The following CSMD3 variants were observed in gnomAD, a reference collection of about 807,000 sequenced individuals.
The protein encoded by CSMD3 is CUB and sushi domain-containing protein 3.
Under a neutral mutation model 435.2 loss-of-function variants are expected in CSMD3, and 177 were observed. The observed-to-expected ratio is 0.41, with a 90% CI of 0.36 to 0.46. CSMD3 has a LOEUF of 0.46. Among genes scored for constraint, CSMD3 ranks in the 20% least tolerant of loss-of-function variants. The pLI, the probability that CSMD3 is intolerant of heterozygous loss-of-function variation, is 0.34. For missense variants in CSMD3, 4,265 were observed against 4,504.6 expected, an observed-to-expected ratio of 0.95 and a Z score of 1.52; for synonymous variants, 1,656 against 1,520.5, an observed-to-expected ratio of 1.09 and a Z score of -2.07.
At chr8:112,858,119 G>T (rs779737546) in intron 11 of CSMD3, among the ~76,000 whole-genome samples, 1 of 151,654 alleles carries the variant, frequency 6.6e-6, no homozygotes, top group Middle Eastern at 3.4e-3. Context: ...TTAGAATTAG[G>T]TTTCAAGAAC....
intron 21 of CSMD3, among the ~76,000 whole-genome samples, chr8:112,637,919 T>A (rs2074706962): frequency 6.6e-6 from 1 of 151,966 alleles, no homozygotes; most frequent in African/African-American, 2.4e-5. Context: ...AGTGCTTGTA[T>A]CATTTTAATG....
chr8:113,269,296 A>G (rs1438138338), intron 3 of CSMD3, among the ~76,000 whole-genome samples: 1 of 152,138 alleles, frequency 6.6e-6, no homozygotes, highest in Non-Finnish European at 1.5e-5. Context: ...ACCACTGCTC[A>G]ATGAAATAAA....
At chr8:112,646,658 C>A (rs573862309) in intron 19 of CSMD3, among the ~76,000 whole-genome samples, 46 of 152,076 alleles carry the variant, frequency 3.0e-4, no homozygotes, top group Non-Finnish European at 5.9e-4. Flanking sequence ...ACTAATATAA[C>A]AAACATTCGT....
chr8:112,715,347 T>C (rs1340363087), intron 13 of CSMD3, among the ~76,000 whole-genome samples: 2 of 152,052 alleles, frequency 1.3e-5, no homozygotes, highest in Non-Finnish European at 2.9e-5. Context: ...ATTCCTGGAC[T>C]CATGCACCCT....
At chr8:112,853,173 T>C (rs1490895238) in intron 11 of CSMD3, among the ~76,000 whole-genome samples, 1 of 152,188 alleles carries the variant, frequency 6.6e-6, no homozygotes, top group Non-Finnish European at 1.5e-5. Flanking sequence ...TATTTTCAAC[T>C]AGGCATCCTA....
At chr8:112,242,887 A>G (rs1187062560) in intron 65 of CSMD3, among the ~76,000 whole-genome samples, 1 of 152,124 alleles carries the variant, frequency 6.6e-6, no homozygotes, top group African/African-American at 2.4e-5. Flanking sequence ...TTTGAATGAC[A>G]TCACCTAAAA....
At chr8:112,627,290 A>C (rs1834558417) in intron 22 of CSMD3, among the ~76,000 whole-genome samples, 1 of 152,178 alleles carries the variant, frequency 6.6e-6, no homozygotes, top group Admixed American at 6.6e-5. Flanking sequence ...AGACATAGCC[A>C]AAGAAAAAGT....
intron 47 of CSMD3, among the ~76,000 whole-genome samples, chr8:112,317,168 T>C (rs906912738): frequency 7.9e-5 from 12 of 151,992 alleles, no homozygotes; most frequent in African/African-American, 2.7e-4. Context: ...AAATTTTCTA[T>C]GTTTTCTGTA....
chr8:112,634,857 A>AC (rs1352918249), intron 22 of CSMD3, among the ~76,000 whole-genome samples: 5 of 151,932 alleles, frequency 3.3e-5, no homozygotes, highest in Non-Finnish European at 5.9e-5. Context: ...CCTAGACACT[A>AC]GTGAGGAAAA....
chr8:112,976,673 A>G (rs1761766876), intron 6 of CSMD3, among the ~76,000 whole-genome samples: 1 of 152,158 alleles, frequency 6.6e-6, no homozygotes, highest in Non-Finnish European at 1.5e-5. Context: ...AAAAAGGGGC[A>G]CTAAAATAAC....
intron 32 of CSMD3, among the ~76,000 whole-genome samples, chr8:112,464,525 C>A (rs972937676): frequency 6.6e-6 from 1 of 151,906 alleles, no homozygotes; most frequent in African/African-American, 2.4e-5. Context: ...GAGACCTTCC[C>A]TCCTCTGAAG....
At chr8:112,817,587 A>G (rs1359780607) in intron 12 of CSMD3, among the ~76,000 whole-genome samples, 1 of 152,124 alleles carries the variant, frequency 6.6e-6, no homozygotes, top group Non-Finnish European at 1.5e-5. Flanking sequence ...GTTGCCAGGA[A>G]TAAATGCTAT....
chr8:113,161,661 T>C (rs2092041976), intron 4 of CSMD3, among the ~76,000 whole-genome samples: 1 of 152,152 alleles, frequency 6.6e-6, no homozygotes, highest in South Asian at 2.1e-4. Flanking sequence ...TATTTGCCAT[T>C]ATGTCATAAG....
At chr8:112,731,879 ATATAT>A (rs775166560) in intron 13 of CSMD3, among the ~76,000 whole-genome samples, 1 of 152,188 alleles carries the variant, frequency 6.6e-6, no homozygotes, top group African/African-American at 2.4e-5. Context: ...ATTTTGAAAG[ATATAT>A]TATATCAACA....
At chr8:113,325,753 C>T (rs974264165) in intron 1 of CSMD3, among the ~76,000 whole-genome samples, 2 of 152,196 alleles carry the variant, frequency 1.3e-5, no homozygotes, top group Non-Finnish European at 2.9e-5. Flanking sequence ...CTCACCTGCT[C>T]TCTCCTAAAA....
chr8:113,220,530 G>C (rs924496037), intron 3 of CSMD3, among the ~76,000 whole-genome samples: 4 of 151,272 alleles, frequency 2.6e-5, no homozygotes, highest in African/African-American at 7.3e-5. Context: ...TTAATGCAAA[G>C]GCCTATACAT....
At chr8:112,820,058 T>C (rs231284) in intron 12 of CSMD3, among the ~76,000 whole-genome samples, 31,266 of 152,086 alleles carry the variant, frequency 0.21, 4,048 homozygotes, top group Non-Finnish European at 0.3. Context: ...ATCCAATCCC[T>C]CTAGCCTCAT....
intron 1 of CSMD3, among the ~76,000 whole-genome samples, chr8:113,394,320 T>C (rs865928650): frequency 6.6e-6 from 1 of 152,082 alleles, no homozygotes; most frequent in Non-Finnish European, 1.5e-5. Context: ...AAGGGAAATA[T>C]TATATCGAAT....
At chr8:112,975,356 CCAAT>C (rs1248622929) in intron 7 of CSMD3, among the ~76,000 whole-genome samples, 1 of 151,978 alleles carries the variant, frequency 6.6e-6, no homozygotes, top group East Asian at 1.9e-4. Context: ...TCTATGTTTC[CCAAT>C]CAAACTGTAC....
Sources: allele counts gnomAD v4.1 joint callset (sites outside exome capture counted in the v4.1 genomes callset), GRCh38; gene constraint gnomAD v4.1.1; transcripts MANE v1.5; gene names NCBI Gene and HGNC (gene_info 2026-07-23, HGNC 2026-07-21).